Variants in CDH18 observed in about 807,000 individuals in gnomAD.
CDH18 encodes the protein cadherin-18.
In CDH18, 31 loss-of-function variants were observed where a neutral mutation model predicts 67.9. That is an observed-to-expected ratio of 0.46 (90% CI 0.34 to 0.62). The LOEUF (loss-of-function observed/expected upper bound fraction) is 0.62. Among genes scored for constraint, CDH18 ranks in the 20% least tolerant of loss-of-function variants. The pLI is 0.01. For synonymous variants in CDH18, 362 were observed against 347.2 expected (o/e 1.04, Z -0.48); for missense variants, 890 against 975.5 (o/e 0.91, Z 1.17).
At chr5:20,202,739 A>T (rs1739551130) in intron 2 of CDH18, among the ~76,000 whole-genome samples, 1 of 151,734 alleles carries the variant, frequency 6.6e-6, no homozygotes, top group South Asian at 2.1e-4. Flanking sequence ...AGCTTTTACC[A>T]TTAGCTTTAA....
intron 11 of CDH18, among the ~76,000 whole-genome samples, chr5:19,496,098 G>A (rs1347808064): frequency 6.6e-6 from 1 of 152,154 alleles, no homozygotes; most frequent in African/African-American, 2.4e-5. Context: ...GAAGACAAAA[G>A]AAAAGCTTTT....
chr5:20,122,363 C>T (rs1016489128), intron 2 of CDH18, among the ~76,000 whole-genome samples: 7 of 151,662 alleles, frequency 4.6e-5, no homozygotes, highest in Non-Finnish European at 1.0e-4. Context: ...TATGTGAATG[C>T]TATTTAGGAA....
At chr5:20,563,093 C>A (rs1484322264) in intron 1 of CDH18, among the ~76,000 whole-genome samples, 1 of 151,466 alleles carries the variant, frequency 6.6e-6, no homozygotes, top group East Asian at 1.9e-4. Flanking sequence ...CTGACTCACA[C>A]AGAGTTAATC....
chr5:19,627,714 C>T (rs1751767003), intron 5 of CDH18, among the ~76,000 whole-genome samples: 1 of 152,046 alleles, frequency 6.6e-6, no homozygotes, highest in Non-Finnish European at 1.5e-5. Context: ...ACTGGCATGC[C>T]ACTGACTGCT....
chr5:20,517,778 G>T (rs1278981105), intron 1 of CDH18, among the ~76,000 whole-genome samples: 1 of 152,028 alleles, frequency 6.6e-6, no homozygotes, highest in African/African-American at 2.4e-5. Flanking sequence ...ATCTAAGTTT[G>T]CATGTTACAG....
chr5:19,959,820 C>T (rs923854257), intron 2 of CDH18, among the ~76,000 whole-genome samples: 6 of 152,078 alleles, frequency 3.9e-5, no homozygotes, highest in Admixed American at 1.3e-4. Context: ...GGATAGGCTA[C>T]TTCACACCTA....
At chr5:20,321,688 CTTTT>C (rs1485452828) in intron 1 of CDH18, among the ~76,000 whole-genome samples, 1 of 151,614 alleles carries the variant, frequency 6.6e-6, no homozygotes, top group African/African-American at 2.4e-5. Flanking sequence ...CTTTTTCTTT[CTTTT>C]TAACATTTCC....
chr5:20,128,225 T>C (rs373738204), intron 2 of CDH18, among the ~76,000 whole-genome samples: 1 of 152,004 alleles, frequency 6.6e-6, no homozygotes, highest in Non-Finnish European at 1.5e-5. Flanking sequence ...AGCTCTCCTA[T>C]TCACCTCACG....
intron 10 of CDH18, 81 bp downstream of exon 10, chr5:19,520,576 G>A (rs1356579376): frequency 8.2e-7 from 1 of 1,213,706 alleles, no homozygotes; most frequent in Non-Finnish European, 1.1e-6. Flanking sequence ...GGGCTTTGGG[G>A]GATTATACCT....
chr5:19,825,990 T>C (rs1411987021), intron 3 of CDH18, among the ~76,000 whole-genome samples: 1 of 151,982 alleles, frequency 6.6e-6, no homozygotes, highest in Non-Finnish European at 1.5e-5. Context: ...AGGAATATAA[T>C]AAAATGATAC....
chr5:20,101,439 CA>C (rs1260558368), intron 2 of CDH18, among the ~76,000 whole-genome samples: 1 of 152,054 alleles, frequency 6.6e-6, no homozygotes, highest in Non-Finnish European at 1.5e-5. Context: ...TCCAATGAGA[CA>C]CAGATAAATA....
At chr5:20,227,655 A>C (rs976329720) in intron 2 of CDH18, among the ~76,000 whole-genome samples, 1 of 151,922 alleles carries the variant, frequency 6.6e-6, no homozygotes, top group African/African-American at 2.4e-5. Flanking sequence ...TTTTTTATTT[A>C]AATTTTATTT....
intron 6 of CDH18, among the ~76,000 whole-genome samples, chr5:19,611,963 T>TGTGTGC (rs1273324534): frequency 6.6e-6 from 1 of 151,360 alleles, no homozygotes; most frequent in Non-Finnish European, 1.5e-5. Flanking sequence ...TGTGTGTGTG[T>TGTGTGC]GTGTGTGTGT....
At chr5:19,531,201 T>C (rs572623625) in intron 9 of CDH18, among the ~76,000 whole-genome samples, 1 of 152,176 alleles carries the variant, frequency 6.6e-6, no homozygotes, top group Non-Finnish European at 1.5e-5. Flanking sequence ...TATGTGAATA[T>C]ATTCAAAAAA....
intron 1 of CDH18, among the ~76,000 whole-genome samples, chr5:20,400,810 ATAAG>A (rs1745702894): frequency 6.6e-6 from 1 of 152,204 alleles, no homozygotes; most frequent in Non-Finnish European, 1.5e-5. Context: ...AAAATAAGTA[ATAAG>A]TAAATAAGTA....
At chr5:19,732,108 T>A (rs917764682) in intron 4 of CDH18, among the ~76,000 whole-genome samples, 14 of 145,632 alleles carry the variant, frequency 9.6e-5, no homozygotes, top group African/African-American at 2.9e-4. Context: ...AAAAAAAAAA[T>A]TAATGCATTT....
chr5:19,671,004 A>C lies in CDH18; in HGVS notation c.643+50343T>G, dbSNP rs115721313. Reference sequence around the variant, plus strand: ...ATGATGAGTATCTAGTTATTAGTTCAGTTTAGTGCATGTCATGAGTTTCAG... The same window carrying C: ...ATGATGAGTATCTAGTTATTAGTTCCGTTTAGTGCATGTCATGAGTTTCAG... On this transcript the variant is annotated intron_variant, in intron 5 of 12. Coordinates refer to ENST00000382275, the MANE Select transcript of CDH18 (RefSeq NM_004934.5). Among the ~76,000 whole-genome samples, 1,136 of 152,262 alleles carry C rather than the reference A, an allele frequency of 7.5e-3. 15 individuals are homozygous for C. The highest frequency in any genetic ancestry group is 0.026 in the African/African-American group (1,077 of 41,572).
At chr5:20,395,195 G>A (rs1490646605) in intron 1 of CDH18, among the ~76,000 whole-genome samples, 2 of 152,126 alleles carry the variant, frequency 1.3e-5, no homozygotes, top group Non-Finnish European at 2.9e-5. Flanking sequence ...CAACGTAAGT[G>A]GCCATTAACT....
At chr5:20,379,834 G>T (rs1743771250) in intron 1 of CDH18, among the ~76,000 whole-genome samples, 1 of 151,866 alleles carries the variant, frequency 6.6e-6, no homozygotes, top group Non-Finnish European at 1.5e-5. Context: ...TGAAGAATCA[G>T]TATGAGAAAA....
Sources: gnomAD v4.1 joint callset for allele counts (sites outside exome capture counted in the v4.1 genomes callset) on GRCh38, gnomAD v4.1.1 for gene constraint, MANE v1.5 for transcripts, NCBI Gene and HGNC (gene_info 2026-07-23, HGNC 2026-07-21) for gene names.